Variants in PAPPA2 observed in about 807,000 individuals in gnomAD.
PAPPA2 encodes the protein pappalysin 2, also known as pappalysin-2.
A neutral mutation model predicts 176.4 loss-of-function variants in PAPPA2; 86 were observed. The observed-to-expected ratio is 0.49, with a 90% CI of 0.41 to 0.58. The LOEUF (loss-of-function observed/expected upper bound fraction) is 0.58. PAPPA2 is among the 20% of genes least tolerant of loss of function. The probability of loss-of-function intolerance (pLI) is 0.00; values close to 1 mark genes in which losing one functional copy is unlikely to be tolerated. For synonymous variants in PAPPA2, 809 were observed against 852.2 expected, an observed-to-expected ratio of 0.95 and a Z score of 0.88; for missense variants, 2,073 against 2,256.9, an observed-to-expected ratio of 0.92 and a Z score of 1.65.
At chr1:176,627,636 CCCTATAAGAAAAA>C (rs1282116715) in intron 3 of PAPPA2, among the ~76,000 whole-genome samples, 2 of 152,160 alleles carry the variant, frequency 1.3e-5, no homozygotes, top group Admixed American at 6.5e-5. Flanking sequence ...ATTTATCCTT[CCCTATAAGAAAAA>C]CTCAAGATAC....
At chr1:176,529,515 T>C (rs1160760851) in intron 1 of PAPPA2, among the ~76,000 whole-genome samples, 1 of 151,986 alleles carries the variant, frequency 6.6e-6, no homozygotes, top group Non-Finnish European at 1.5e-5. Flanking sequence ...TAAGGTTATA[T>C]GGCATTTTCT....
chr1:176,722,802 G>T (rs1039519626), intron 12 of PAPPA2, among the ~76,000 whole-genome samples: 2 of 151,912 alleles, frequency 1.3e-5, no homozygotes, highest in African/African-American at 4.8e-5. Context: ...GATTGTTCTT[G>T]CCAGGACAGT....
chr1:176,512,660 A>G (rs1648677093), intron 1 of PAPPA2, among the ~76,000 whole-genome samples: 2 of 152,314 alleles, frequency 1.3e-5, no homozygotes, highest in South Asian at 2.1e-4. Flanking sequence ...AAAATAGTCT[A>G]CATTTTTATT....
intron 3 of PAPPA2, among the ~76,000 whole-genome samples, chr1:176,615,414 C>T (rs1655146705): frequency 6.6e-6 from 1 of 152,162 alleles, no homozygotes; most frequent in East Asian, 1.9e-4. Flanking sequence ...GGGTTCATGC[C>T]ATTCTCCTGC....
chr1:176,769,899 C>T (rs1272329072), intron 16 of PAPPA2, 115 bp downstream of exon 16: 5 of 1,151,610 alleles, frequency 4.3e-6, no homozygotes, highest in Non-Finnish European at 6.1e-6. Flanking sequence ...TCCACTGTGT[C>T]ACCATCTTCT....
chr1:176,556,721 T>C lies in PAPPA2; in HGVS notation c.399T>C (p.Ser133=). 1 of 1,613,976 alleles carries C rather than the reference T, an allele frequency of 6.2e-7. No homozygotes were observed. Among genetic ancestry groups the C allele is most frequent in the South Asian group, 1.1e-5 (1 of 91,076 alleles). The part of the protein sequence containing the change: ...EEPAAPWVGD[S]PIGQSELLGD... Reference sequence around the variant, plus strand: ...CGGCTGCCCCATGGGTAGGGGATAGTCCTATTGGGCAATCTGAGCTGCTGG... The same window carrying C: ...CGGCTGCCCCATGGGTAGGGGATAGCCCTATTGGGCAATCTGAGCTGCTGG... Residue 133 remains serine, a synonymous_variant, in exon 2 of 23, where the codon AGT becomes AGC. Transcript: ENST00000367662.
chr1:176,770,922 G>A (rs768735678), intron 16 of PAPPA2, 45 bp from the exon 17 acceptor site: 1 of 1,557,180 alleles, frequency 6.4e-7, no homozygotes. Flanking sequence ...TATCTTTCTG[G>A]GCTCTCTGTT....
intron 2 of PAPPA2, among the ~76,000 whole-genome samples, chr1:176,583,510 A>G (rs760249206): frequency 1.3e-5 from 2 of 151,988 alleles, no homozygotes; most frequent in African/African-American, 2.4e-5. Flanking sequence ...ATTTCCATGT[A>G]TTTTTATGGT....
At chr1:176,765,915 A>G in intron 15 of PAPPA2, 78 bp downstream of exon 15, 1 of 1,525,430 alleles carries the variant, frequency 6.6e-7, no homozygotes, top group Non-Finnish European at 8.9e-7. Context: ...CTGGCTCCAC[A>G]GGGAAAGAGC....
chr1:176,618,441 A>C (rs1374429929), intron 3 of PAPPA2, among the ~76,000 whole-genome samples: 1 of 152,216 alleles, frequency 6.6e-6, no homozygotes, highest in East Asian at 1.9e-4. Flanking sequence ...TCAACCACTC[A>C]AATGAACTGA....
chr1:176,672,757 A>G (rs1176626668), intron 4 of PAPPA2, among the ~76,000 whole-genome samples: 1 of 152,154 alleles, frequency 6.6e-6, no homozygotes, highest in Non-Finnish European at 1.5e-5. Context: ...TCCAAATTAA[A>G]TGCTTTGCCA....
chr1:176,471,231 A>G lies in PAPPA2; in HGVS notation c.-917+7813A>G, dbSNP rs1047200975. ...GGCCTGAGGGATTTGAGGTGCTGCC[A>G]CCGGAAGGATGAGTAGCTCATGCAG... On this transcript the variant is annotated intron_variant, in intron 1 of 22. Transcript: ENST00000367662. Among the ~76,000 whole-genome samples the G allele has an allele frequency of 1.8e-4, 27 of 152,106 alleles. 1 individual carries two copies. Among genetic ancestry groups the G allele is most frequent in the African/African-American group, 6.0e-4 (25 of 41,432 alleles).
At chr1:176,557,368 G>C (rs917917965) in intron 2 of PAPPA2, 127 bp downstream of exon 2, 5 of 1,111,030 alleles carry the variant, frequency 4.5e-6, no homozygotes, top group East Asian at 2.6e-5. Context: ...GCTAGCCAGG[G>C]AGAGGGGGAA....
chr1:176,691,935 G>A (rs1383079492), intron 5 of PAPPA2, among the ~76,000 whole-genome samples, 191 bp from the exon 6 acceptor site: 1 of 152,172 alleles, frequency 6.6e-6, no homozygotes, highest in East Asian at 1.9e-4. Flanking sequence ...TCTGGTCTCT[G>A]TCTTCTCTTA....
intron 1 of PAPPA2, among the ~76,000 whole-genome samples, chr1:176,482,910 C>T (rs911562526): frequency 6.6e-6 from 1 of 152,156 alleles, no homozygotes; most frequent in Non-Finnish European, 1.5e-5. Flanking sequence ...CAAACCTACC[C>T]AACTACATGT....
rs528784418 is a variant in PAPPA2, at chr1:176,774,630, ATCTT to A, written c.4715+3454_4715+3457del. Among the ~76,000 whole-genome samples, 154 of 152,160 alleles carry A rather than the reference ATCTT, an allele frequency of 1.0e-3. 1 individual carries two copies. The highest frequency in any genetic ancestry group is 1.6e-3 in the Admixed American group (24 of 15,270). On this transcript the variant is annotated intron_variant, in intron 17 of 22. Coordinates refer to ENST00000367662, the MANE Select transcript of PAPPA2 (RefSeq NM_020318.3). ...ATTATCATTTTTCACCTCTGAACTG[ATCTT>A]TCTGTCTCCAGTCTTTTCTCCTTCA...
Position 176,769,636 on chromosome 1 carries a change from G to A in PAPPA2, c.4353G>A (p.Gly1451=), listed in dbSNP as rs1664129269. ...AAATTCTGCTCACATGTTCTTCTGG[G>A]CACTGGGACCAGAATGTGAGCTGCC... ...QKEILLTCSS[G]HWDQNVSCLP... Residue 1451 remains glycine (G), a synonymous_variant, in exon 16 of 23, where the codon GGG becomes GGA. Coordinates refer to ENST00000367662, the MANE Select transcript of PAPPA2 (RefSeq NM_020318.3). 27 of 1,613,280 alleles carry A rather than the reference G, an allele frequency of 1.7e-5. No individual in the cohort carries two copies. The highest frequency in any genetic ancestry group is 2.2e-5 in the Non-Finnish European group (26 of 1,179,810).
chr1:176,548,623 C>T (rs192639785), intron 1 of PAPPA2, among the ~76,000 whole-genome samples: 7 of 152,078 alleles, frequency 4.6e-5, no homozygotes, highest in South Asian at 2.1e-4. Flanking sequence ...GCTCTGGAAA[C>T]GCGCAGTTCT....
chr1:176,844,959 C>CTGT lies in PAPPA2; in HGVS notation c.*2509_*2511dup, dbSNP rs1378111858. 6.6e-6 allele frequency: 1 copy of CTGT among 152,130 alleles called. No homozygotes were observed. The highest frequency in any genetic ancestry group is 1.9e-4 in the East Asian group (1 of 5,178). The allele number at this position is 152,130 out of a possible 1,614,324, so 9.4% of individuals were successfully genotyped here. On this transcript the variant is annotated 3_prime_UTR_variant, in exon 23 of 23. Coordinates refer to ENST00000367662, the MANE Select transcript of PAPPA2 (RefSeq NM_020318.3). ...CTCTGGGAAAGCAAAAGGAAAGTTC[C>CTGT]TGTTGTGTGTGAAGAGCCTCTTAGG...
Sources: gnomAD v4.1 joint callset for allele counts (sites outside exome capture counted in the v4.1 genomes callset) on GRCh38, gnomAD v4.1.1 for gene constraint, MANE v1.5 for transcripts, NCBI Gene and HGNC (gene_info 2026-07-23, HGNC 2026-07-21) for gene names.